LDLRAD4: variants seen among roughly 807,000 people sequenced by gnomAD.
LDLRAD4 encodes the protein low-density lipoprotein receptor class A domain-containing protein 4.
A neutral mutation model predicts 17.0 loss-of-function variants in LDLRAD4; 5 were observed. The observed-to-expected ratio is 0.29, with a 90% confidence interval of 0.15 to 0.62. The LOEUF is 0.62. LDLRAD4 is among the 20% of genes least tolerant of loss of function. LDLRAD4 has a pLI of 0.84. For synonymous variants in LDLRAD4, 168 were observed against 171.8 expected, an observed-to-expected ratio of 0.98 and a Z score of 0.17; for missense variants, 340 against 424.7, an observed-to-expected ratio of 0.80 and a Z score of 1.75.
intron 2 of LDLRAD4, among the ~76,000 whole-genome samples, chr18:13,399,093 A>G (rs2086940072): frequency 6.6e-6 from 1 of 152,092 alleles, no homozygotes; most frequent in Non-Finnish European, 1.5e-5. Context: ...GTGTGCCTAT[A>G]GTCCTGGCTA....
chr18:13,550,076 G>A (rs532761072), intron 3 of LDLRAD4, among the ~76,000 whole-genome samples: 11 of 152,350 alleles, frequency 7.2e-5, no homozygotes, highest in African/African-American at 2.6e-4. Flanking sequence ...CACACAGGAA[G>A]AAAGCAGACA....
At chr18:13,594,665 C>CAAAAAAAAAAA (rs56035558) in intron 3 of LDLRAD4, among the ~76,000 whole-genome samples, 813 of 29,536 alleles carry the variant, frequency 0.028, 87 homozygotes, top group Non-Finnish European at 0.035. Flanking sequence ...GATTCCATCT[C>CAAAAAAAAAAA]AAAAAAAAAA....
chr18:13,256,050 T>G (rs1490605973), intron 1 of LDLRAD4, among the ~76,000 whole-genome samples: 5 of 152,208 alleles, frequency 3.3e-5, no homozygotes, highest in Non-Finnish European at 7.3e-5. Flanking sequence ...GGATATTATG[T>G]GTTAATTGTT....
intron 1 of LDLRAD4, among the ~76,000 whole-genome samples, chr18:13,342,527 T>A (rs1413503418): frequency 6.7e-6 from 1 of 148,360 alleles, no homozygotes; most frequent in East Asian, 2.0e-4. Context: ...CTTCATGGTT[T>A]ATTCCTAAAT....
chr18:13,516,043 G>A (rs2093861107), intron 3 of LDLRAD4: 1 of 152,122 alleles, frequency 6.6e-6, no homozygotes, highest in Admixed American at 6.6e-5. Context: ...TTGAACTCCT[G>A]GCCTCAAGTG....
chr18:13,302,187 C>T (rs535080624), intron 1 of LDLRAD4, among the ~76,000 whole-genome samples: 3 of 152,322 alleles, frequency 2.0e-5, no homozygotes, highest in East Asian at 1.9e-4. Flanking sequence ...TCACTGCTGT[C>T]GCCGGCTGTT....
intron 1 of LDLRAD4, among the ~76,000 whole-genome samples, chr18:13,264,313 C>T (rs994446546): frequency 6.6e-6 from 1 of 152,258 alleles, no homozygotes; most frequent in Non-Finnish European, 1.5e-5. Flanking sequence ...GGCTTCCCAG[C>T]CCCGCCCCCG....
At chr18:13,257,391 C>G (rs371421200) in intron 1 of LDLRAD4, among the ~76,000 whole-genome samples, 1 of 152,216 alleles carries the variant, frequency 6.6e-6, no homozygotes, top group Non-Finnish European at 1.5e-5. Context: ...TCCTTTCGTT[C>G]TGTAATGATG....
At chr18:13,313,114 C>T (rs1373267720) in intron 1 of LDLRAD4, among the ~76,000 whole-genome samples, 3 of 152,156 alleles carry the variant, frequency 2.0e-5, no homozygotes, top group Admixed American at 1.3e-4. Context: ...GAGGGTCCCA[C>T]ACTTCATAGA....
intron 3 of LDLRAD4, chr18:13,521,511 G>A (rs998829359): frequency 7.9e-5 from 12 of 152,134 alleles, no homozygotes; most frequent in Admixed American, 2.6e-4. Flanking sequence ...TACCTGTGCT[G>A]GATGGATTGC....
intron 1 of LDLRAD4, among the ~76,000 whole-genome samples, chr18:13,248,004 A>G (rs1161403423): frequency 3.1e-5 from 4 of 127,712 alleles, no homozygotes; most frequent in African/African-American, 6.0e-5. Context: ...TCTCTTGCCC[A>G]GGCTGGAGTA....
At chr18:13,504,135 GCT>G (rs1460374046) in intron 3 of LDLRAD4, among the ~76,000 whole-genome samples, 1 of 152,196 alleles carries the variant, frequency 6.6e-6, no homozygotes, top group African/African-American at 2.4e-5. Context: ...CAAGAACTGA[GCT>G]GGGCAATCTG....
At chr18:13,496,560 G>A (rs941432962) in intron 3 of LDLRAD4, among the ~76,000 whole-genome samples, 2 of 152,214 alleles carry the variant, frequency 1.3e-5, no homozygotes, top group African/African-American at 4.8e-5. Flanking sequence ...AGCCTTTAAA[G>A]TACCCAGTTA....
At chr18:13,451,085 G>A (rs1329862516) in intron 3 of LDLRAD4, among the ~76,000 whole-genome samples, 1 of 152,182 alleles carries the variant, frequency 6.6e-6, no homozygotes, top group Admixed American at 6.5e-5. Flanking sequence ...TCTGCACTCA[G>A]GAAAGGAAAC....
chr18:13,523,396 C>T (rs533921666), intron 3 of LDLRAD4, among the ~76,000 whole-genome samples: 30 of 152,318 alleles, frequency 2.0e-4, no homozygotes, highest in Middle Eastern at 6.8e-3. Flanking sequence ...GAGTGGGCCA[C>T]ATGGCAAGGA....
chr18:13,294,817 A>T (rs2046177881), intron 1 of LDLRAD4, among the ~76,000 whole-genome samples: 1 of 144,802 alleles, frequency 6.9e-6, no homozygotes, highest in African/African-American at 2.6e-5. Context: ...TGATATGTAA[A>T]ATAGTAAAAA....
intron 3 of LDLRAD4, among the ~76,000 whole-genome samples, chr18:13,444,570 C>G (rs1173109792): frequency 6.6e-6 from 1 of 152,098 alleles, no homozygotes; most frequent in African/African-American, 2.4e-5. Flanking sequence ...AGATCACAGC[C>G]CCAACCCCCA....
chr18:13,264,196 G>GT (rs892184642), intron 1 of LDLRAD4, among the ~76,000 whole-genome samples: 6 of 152,214 alleles, frequency 3.9e-5, no homozygotes, highest in African/African-American at 1.4e-4. Context: ...GTGGGGGCTG[G>GT]TTGCGGGATG....
At chr18:13,416,081 G>A (rs1007441753) in intron 2 of LDLRAD4, among the ~76,000 whole-genome samples, 3 of 152,208 alleles carry the variant, frequency 2.0e-5, no homozygotes, top group South Asian at 2.1e-4. Flanking sequence ...TGAAGAGATC[G>A]GGCTGGCGGG....
Sources: gnomAD v4.1 joint callset for allele counts (sites outside exome capture counted in the v4.1 genomes callset) on GRCh38, gnomAD v4.1.1 for gene constraint, MANE v1.5 for transcripts, NCBI Gene and HGNC (gene_info 2026-07-23, HGNC 2026-07-21) for gene names.